PLCH1: variants seen among roughly 807,000 people sequenced by gnomAD.
PLCH1 encodes phospholipase C eta 1, also known as 1-phosphatidylinositol 4,5-bisphosphate phosphodiesterase eta-1.
A neutral mutation model predicts 126.7 loss-of-function variants in PLCH1; 60 were observed. The ratio of observed to expected loss-of-function variants is 0.47; its 90% CI spans 0.38 to 0.59. The LOEUF (loss-of-function observed/expected upper bound fraction) is 0.59, where lower values mean the gene tolerates loss of function less well. Among genes scored for constraint, PLCH1 ranks in the 20% least tolerant of loss-of-function variants. PLCH1 has a pLI of 0.00. For synonymous variants in PLCH1, 719 were observed against 734.9 expected (o/e 0.98, Z 0.35); for missense variants, 1,723 against 2,040.0 (o/e 0.84, Z 2.99).
intron 21 of PLCH1, among the ~76,000 whole-genome samples, chr3:155,460,811 T>C (rs1712691604): frequency 6.6e-6 from 1 of 150,874 alleles, no homozygotes; most frequent in South Asian, 2.1e-4. Flanking sequence ...GATAGATAGA[T>C]AGATAGATAG....
chr3:155,512,982 C>T (rs996350228), intron 12 of PLCH1, among the ~76,000 whole-genome samples: 1 of 152,206 alleles, frequency 6.6e-6, no homozygotes, highest in African/African-American at 2.4e-5. Flanking sequence ...TTTCCTGTGA[C>T]TACTAAGTTC....
intron 2 of PLCH1, among the ~76,000 whole-genome samples, chr3:155,615,797 A>G (rs1459810806): frequency 6.6e-6 from 1 of 152,140 alleles, no homozygotes; most frequent in Non-Finnish European, 1.5e-5. Context: ...AGGATAAAAG[A>G]CTGCACATTG....
chr3:155,479,596 C>T (rs955689580), downstream of PLCH1, among the ~76,000 whole-genome samples: 1 of 152,106 alleles, frequency 6.6e-6, no homozygotes, highest in South Asian at 2.1e-4. Context: ...CCGCTTCCCT[C>T]CCACCACCCA....
At chr3:155,734,870 G>A (rs544909120) in intron 1 of PLCH1, among the ~76,000 whole-genome samples, 6 of 152,098 alleles carry the variant, frequency 3.9e-5, no homozygotes, top group Non-Finnish European at 7.4e-5. Context: ...CACCACGCCC[G>A]GCTAATTTTT....
chr3:155,585,137 C>T (rs963207893), intron 5 of PLCH1, among the ~76,000 whole-genome samples: 7 of 152,182 alleles, frequency 4.6e-5, no homozygotes, highest in Non-Finnish European at 7.4e-5. Context: ...CAGTTTCCCA[C>T]AATGCAAACC....
intron 19 of PLCH1, 82 bp downstream of exon 19, chr3:155,490,702 C>T: frequency 2.5e-6 from 2 of 792,800 alleles, no homozygotes; most frequent in Non-Finnish European, 4.3e-6. Context: ...ATTTCTTGCT[C>T]TTCTACATAG....
intron 2 of PLCH1, among the ~76,000 whole-genome samples, chr3:155,696,225 GAAAGGAATGA>G (rs1220644524): frequency 6.6e-6 from 1 of 152,202 alleles, no homozygotes; most frequent in Non-Finnish European, 1.5e-5. Flanking sequence ...CATATTTGCT[GAAAGGAATGA>G]GCCCTAAGAA....
At chr3:155,723,395 G>A (rs1748094468) in intron 1 of PLCH1, among the ~76,000 whole-genome samples, 1 of 151,762 alleles carries the variant, frequency 6.6e-6, no homozygotes. Flanking sequence ...CTTTTTTATT[G>A]TTTTTTGTTT....
chr3:155,673,397 A>G (rs777054799), intron 2 of PLCH1, among the ~76,000 whole-genome samples: 1 of 152,154 alleles, frequency 6.6e-6, no homozygotes, highest in Non-Finnish European at 1.5e-5. Context: ...TAGATAAAGC[A>G]CATGGTCTAT....
intron 1 of PLCH1, among the ~76,000 whole-genome samples, chr3:155,735,342 A>T (rs1341896236): frequency 1.3e-5 from 2 of 152,310 alleles, no homozygotes; most frequent in East Asian, 3.9e-4. Flanking sequence ...TTCTTAAAAA[A>T]TTGATAAGGA....
chr3:155,465,406 G>A (rs1367017682), intron 21 of PLCH1, among the ~76,000 whole-genome samples: 1 of 152,196 alleles, frequency 6.6e-6, no homozygotes, highest in East Asian at 1.9e-4. Flanking sequence ...TGCCTTGAAG[G>A]AAAGGACCAG....
chr3:155,544,185 G>A (rs369896125), intron 10 of PLCH1, among the ~76,000 whole-genome samples: 1 of 152,292 alleles, frequency 6.6e-6, no homozygotes, highest in African/African-American at 2.4e-5. Context: ...TAAAAGGTTG[G>A]AGGAAGATCT....
At chr3:155,587,089 A>T (rs1731471051) in intron 4 of PLCH1, among the ~76,000 whole-genome samples, 1 of 152,160 alleles carries the variant, frequency 6.6e-6, no homozygotes, top group Admixed American at 6.5e-5. Context: ...CATAACACAA[A>T]TCTTGTGTCC....
Position 155,473,372 on chromosome 3 carries a change from C to T in PLCH1, c.2938+11984G>A, listed in dbSNP as rs369907591. On this transcript the variant is annotated intron_variant, in intron 21 of 21. Transcript: ENST00000494598. ...ACCTAGGAATCCAACTTACAAGGGA[C>T]GTGAAGGACCTCTTCAAGGAGAACT... Among the ~76,000 whole-genome samples the T allele has an allele frequency of 9.0e-3, 1,372 of 151,942 alleles. 12 individuals carry two copies. Among genetic ancestry groups the T allele is most frequent in the South Asian group, 0.052 (250 of 4,802 alleles).
chr3:155,627,769 ATTTT>A (rs60152083), intron 2 of PLCH1, among the ~76,000 whole-genome samples: 3 of 116,518 alleles, frequency 2.6e-5, no homozygotes, highest in Non-Finnish European at 1.8e-5. Context: ...GTTATCGGAG[ATTTT>A]TTTTTTTTTT....
chr3:155,462,416 GGTGA>G (rs777159955), intron 21 of PLCH1, among the ~76,000 whole-genome samples: 1 of 152,142 alleles, frequency 6.6e-6, no homozygotes, highest in Non-Finnish European at 1.5e-5. Flanking sequence ...CAACAGAGAT[GGTGA>G]GTATCAGCTA....
chr3:155,638,313 C>G (rs1738974872), intron 2 of PLCH1, among the ~76,000 whole-genome samples: 1 of 152,202 alleles, frequency 6.6e-6, no homozygotes, highest in Non-Finnish European at 1.5e-5. Flanking sequence ...AGTGATATAA[C>G]CCCTTCAACA....
chr3:155,706,172 C>CA (rs34725442), intron 1 of PLCH1, among the ~76,000 whole-genome samples: 2,530 of 61,554 alleles, frequency 0.041, 108 homozygotes, highest in Non-Finnish European at 0.046. Context: ...GACTCTATCT[C>CA]AAAAAAAAAA....
At chr3:155,731,486 C>T (rs1412639590) in intron 1 of PLCH1, among the ~76,000 whole-genome samples, 2 of 152,180 alleles carry the variant, frequency 1.3e-5, no homozygotes, top group African/African-American at 4.8e-5. Flanking sequence ...CGTCTGCCCA[C>T]CTACTGACCC....
Sources: gnomAD v4.1 joint callset for allele counts (sites outside exome capture counted in the v4.1 genomes callset) on GRCh38, gnomAD v4.1.1 for gene constraint, MANE v1.5 for transcripts, NCBI Gene and HGNC (gene_info 2026-07-23, HGNC 2026-07-21) for gene names.